The following CD58 variants were observed in gnomAD, a reference collection of about 807,000 sequenced individuals.
CD58 encodes lymphocyte function-associated antigen 3.
CD58 carries 14 observed loss-of-function variants against 27.6 expected under a neutral mutation model. That is an observed-to-expected ratio of 0.51 (90% CI 0.34 to 0.79). The LOEUF is 0.79. Ranked by LOEUF, CD58 falls within the 30% of genes least tolerant of loss-of-function variation. The pLI is 0.02. For synonymous variants in CD58, 117 were observed against 103.8 expected (o/e 1.13, Z -0.77); for missense variants, 268 against 301.7 (o/e 0.89, Z 0.83).
rs1353880081 is a variant in CD58, at chr1:116,532,463, C to T, written c.628+3502G>A. 6.6e-6 allele frequency among the ~76,000 whole-genome samples: 1 copy of T among 152,240 alleles called. No individual in the cohort carries two copies. Among genetic ancestry groups the T allele is most frequent in the East Asian group, 1.9e-4 (1 of 5,188 alleles). On this transcript the variant is annotated intron_variant, in intron 3 of 5. Coordinates refer to ENST00000369489, the MANE Select transcript of CD58 (RefSeq NM_001779.3). This position sits in a 1 kb window ranked among gnomAD's most constrained non-coding sequence, Gnocchi z 5.1. ...AGCATACAGCAGGTGATGCAGGCTGCACACTCAGCAGATTAAGCAGCTGAA... is the reference window on the plus strand; with the variant it reads ...AGCATACAGCAGGTGATGCAGGCTGTACACTCAGCAGATTAAGCAGCTGAA...
In CD58 at chr1:116,522,853, T is replaced by C. The variant is rs1222994921; in HGVS notation, c.629-870A>G. 1.3e-5 allele frequency among the ~76,000 whole-genome samples: 2 copies of C among 151,044 alleles called. No individual in the cohort carries two copies. The highest frequency in any genetic ancestry group is 2.9e-5 in the Non-Finnish European group (2 of 68,018). ...TAATAAGCCTTAAAAATATTTATCA[T>C]GAAGCATCTAGACATTGCACTAAGT... On this transcript the variant is annotated intron_variant, in intron 3 of 5. Transcript: ENST00000369489. This position sits in a 1 kb window ranked among gnomAD's most constrained non-coding sequence, Gnocchi z 4.6.
intron 4 of CD58, among the ~76,000 whole-genome samples, chr1:116,520,693 G>C (rs1190045958): frequency 2.0e-5 from 3 of 152,000 alleles, no homozygotes; most frequent in Admixed American, 2.0e-4. Context: ...CTATTATACT[G>C]CTATTTGGGG....
chr1:116,546,446 C>T lies in CD58; in HGVS notation c.71-1842G>A, dbSNP rs753872621. The stretch of plus-strand genomic sequence containing the variant: ...CACCAGCATCTTTCCATTGCTTTGC[C>T]GATTATGCATTATTTCCTCCACTCA... On this transcript the variant is annotated intron_variant, in intron 1 of 5. Transcript: ENST00000369489. The surrounding 1 kb of genome is among the most constrained non-coding windows in gnomAD (Gnocchi z 4.1). Among the ~76,000 whole-genome samples the T allele has an allele frequency of 9.2e-5, 14 of 152,100 alleles. No homozygotes were observed. The highest frequency in any genetic ancestry group is 2.1e-4 in the South Asian group (1 of 4,830).
intron 1 of CD58, among the ~76,000 whole-genome samples, chr1:116,548,862 G>A (rs1421624193): frequency 1.3e-5 from 2 of 152,112 alleles, no homozygotes; most frequent in Non-Finnish European, 2.9e-5. Context: ...CTGGTTATAT[G>A]TTCACATTGT....
At chr1:116,558,863 C>T (rs1658664927) in intron 1 of CD58, among the ~76,000 whole-genome samples, 1 of 152,198 alleles carries the variant, frequency 6.6e-6, no homozygotes, top group Non-Finnish European at 1.5e-5. Flanking sequence ...TAATCCTCAA[C>T]TCAACTCTGA....
intron 5 of CD58, chr1:116,518,866 A>G (rs372234574): frequency 2.7e-6 from 3 of 1,113,574 alleles, no homozygotes; most frequent in Non-Finnish European, 2.2e-6. Flanking sequence ...GGTTAACAGT[A>G]TAACTCTTGG....
At chr1:116,560,985 G>A (rs192038433) in intron 1 of CD58, among the ~76,000 whole-genome samples, 1 of 152,270 alleles carries the variant, frequency 6.6e-6, no homozygotes, top group Non-Finnish European at 1.5e-5. Context: ...CACCCCTCAA[G>A]TAAAGCTTCA....
Position 116,535,745 on chromosome 1 carries a change from G to A in CD58, c.628+220C>T, listed in dbSNP as rs1275706812. On this transcript the variant is annotated intron_variant, in intron 3 of 5. Coordinates refer to ENST00000369489, the MANE Select transcript of CD58 (RefSeq NM_001779.3). ...AGTCCCAGCTACTCGGGAGGCTGAG[G>A]CAGGAGAATGGCGTGAACCCAGGAG... Among the ~76,000 whole-genome samples the A allele has an allele frequency of 1.6e-5, 2 of 126,604 alleles. 1 individual carries two copies. Among genetic ancestry groups the A allele is most frequent in the African/African-American group, 6.6e-5 (2 of 30,276 alleles). The allele number at this position is 126,604 out of a possible 152,430, so 83.1% of individuals were successfully genotyped here. A position where few individuals can be genotyped will look rare whatever the true frequency, so the allele number is the denominator to read the frequency against.
At position 116,570,951 on chromosome 1, in the gene CD58, C is replaced by T. The variant is rs749932048; in HGVS notation, c.22G>A (p.Gly8Arg). The change falls in exon 1 of 6, where the codon GGG becomes AGG. Residue 8 changes from glycine (G) to arginine (R), a missense_variant. By Grantham distance (125) the Gly-to-Arg change is moderately radical. Transcript: ENST00000369489. The surrounding 1 kb of genome is among the most constrained non-coding windows in gnomAD (Gnocchi z 6.4). MVAGSDA[G>R]RALGVLSVVC... ...ACGCTGAGGACCCCCAGGGCCCGCC[C>T]CGCGTCGCTCCCAGCAACCATGGCT... 6.4e-7 allele frequency: 1 copy of T among 1,564,138 alleles called. No homozygotes were observed. Among genetic ancestry groups the T allele is most frequent in the African/African-American group, 1.4e-5 (1 of 73,796 alleles).
chr1:116,565,921 G>GTA (rs1557845811), intron 1 of CD58, among the ~76,000 whole-genome samples: 2 of 152,010 alleles, frequency 1.3e-5, no homozygotes, highest in Non-Finnish European at 2.9e-5. Context: ...GTTTCACTGC[G>GTA]TTAGCCAGGA....
At chr1:116,529,356 A>G (rs1001063990) in intron 3 of CD58, among the ~76,000 whole-genome samples, 10 of 152,244 alleles carry the variant, frequency 6.6e-5, no homozygotes, top group Non-Finnish European at 2.9e-5. Context: ...ATGTAGGAGC[A>G]TGACACAAAG....
Position 116,532,928 on chromosome 1 carries a change from TC to T in CD58, c.628+3036del. 1 of 1,067,702 alleles carries T rather than the reference TC, an allele frequency of 9.4e-7. No individual in the cohort carries two copies. Among genetic ancestry groups the T allele is most frequent in the Non-Finnish European group, 1.4e-6 (1 of 727,098 alleles). The allele number at this position is 1,067,702 out of a possible 1,614,324, so 66.1% of individuals were successfully genotyped here. A position where few individuals can be genotyped will look rare whatever the true frequency, so the allele number is the denominator to read the frequency against. ...ACAGCCGGTCTGCCAGGCGCCCACC[TC>T]CACTTCCTACTGCTGCTTGCATTCC... On this transcript the variant is annotated intron_variant, in intron 3 of 5. Transcript: ENST00000369489. The surrounding 1 kb of genome is among the most constrained non-coding windows in gnomAD (Gnocchi z 5.1).
In CD58 at chr1:116,557,661, CCCTT is replaced by C. The variant is rs542122914; in HGVS notation, c.71-13061_71-13058del. Among the ~76,000 whole-genome samples, 6 of 150,014 alleles carry C rather than the reference CCCTT, an allele frequency of 4.0e-5. No homozygotes were observed. Among genetic ancestry groups the C allele is most frequent in the Non-Finnish European group, 5.9e-5 (4 of 67,380 alleles). On this transcript the variant is annotated intron_variant, in intron 1 of 5. Coordinates refer to ENST00000369489, the MANE Select transcript of CD58 (RefSeq NM_001779.3). This position sits in a 1 kb window ranked among gnomAD's most constrained non-coding sequence, Gnocchi z 5.2. ...CCCTCTCTCTCTCCCTCCTTCCCTC[CCCTT>C]CCTTCCTTCCTTCCTTTTTCTTTTT...
At chr1:116,543,101 T>C (rs1658044760) in intron 2 of CD58, among the ~76,000 whole-genome samples, 1 of 152,102 alleles carries the variant, frequency 6.6e-6, no homozygotes, top group South Asian at 2.1e-4. Flanking sequence ...GAGCACAGAA[T>C]AGGCAAAGCA....
At chr1:116,539,945 T>G (rs1657942152) in intron 2 of CD58, among the ~76,000 whole-genome samples, 1 of 152,208 alleles carries the variant, frequency 6.6e-6, no homozygotes, top group South Asian at 2.1e-4. Context: ...AAAATGAGAA[T>G]TTCTTACACA....
chr1:116,535,454 T>C (rs911238624), intron 3 of CD58, among the ~76,000 whole-genome samples: 3 of 152,196 alleles, frequency 2.0e-5, no homozygotes, highest in South Asian at 4.1e-4. Flanking sequence ...GATGTGAAGA[T>C]TGAATTAATT....
At chr1:116,526,610 G>A (rs992038289) in intron 3 of CD58, among the ~76,000 whole-genome samples, 3 of 152,164 alleles carry the variant, frequency 2.0e-5, no homozygotes, top group Non-Finnish European at 4.4e-5. Flanking sequence ...AGTAAGTCTT[G>A]AAGTTGAGTA....
intron 1 of CD58, among the ~76,000 whole-genome samples, chr1:116,554,848 A>G (rs954699764): frequency 1.3e-5 from 2 of 152,204 alleles, no homozygotes; most frequent in African/African-American, 4.8e-5. Context: ...TCTAAAACTA[A>G]TATCTACCTC....
At chr1:116,537,613 A>G (rs984469993) in intron 2 of CD58, among the ~76,000 whole-genome samples, 1 of 152,194 alleles carries the variant, frequency 6.6e-6, no homozygotes, top group Non-Finnish European at 1.5e-5. Flanking sequence ...AGTGCCTCCT[A>G]TTGGCTAAGG....
Sources: gnomAD v4.1 joint callset for allele counts (sites outside exome capture counted in the v4.1 genomes callset) on GRCh38, gnomAD v4.1.1 for gene constraint, Gnocchi (gnomAD v3.1) non-coding constraint, MANE v1.5 for transcripts, NCBI Gene and HGNC (gene_info 2026-07-23, HGNC 2026-07-21) for gene names.